VPS13B: variants seen among roughly 807,000 people sequenced by gnomAD.
VPS13B encodes intermembrane lipid transfer protein VPS13B.
Under a neutral mutation model 426.4 loss-of-function variants are expected in VPS13B, and 285 were observed. The observed-to-expected ratio is 0.67, with a 90% CI of 0.61 to 0.74. VPS13B has a LOEUF of 0.74. Among genes scored for constraint, VPS13B ranks in the 30% least tolerant of loss-of-function variants. The pLI is 0.00. For missense variants in VPS13B, 4,537 were observed against 4,782.6 expected, an observed-to-expected ratio of 0.95 and a Z score of 1.51; for synonymous variants, 1,676 against 1,676.4, an observed-to-expected ratio of 1.00 and a Z score of 0.01.
chr8:99,126,021 G>A (rs1848174768), intron 8 of VPS13B, among the ~76,000 whole-genome samples: 1 of 152,000 alleles, frequency 6.6e-6, no homozygotes. Context: ...TAGGCAAGAG[G>A]GGGAGAATTG....
At chr8:99,287,461 A>G (rs981087163) in intron 19 of VPS13B, among the ~76,000 whole-genome samples, 3 of 151,986 alleles carry the variant, frequency 2.0e-5, no homozygotes, top group Non-Finnish European at 2.9e-5. Flanking sequence ...AATTTATTCT[A>G]TTTTTTATGA....
At chr8:99,100,936 C>T (rs1791769815) in intron 4 of VPS13B, among the ~76,000 whole-genome samples, 1 of 151,622 alleles carries the variant, frequency 6.6e-6, no homozygotes, top group Non-Finnish European at 1.5e-5. Flanking sequence ...CCTAGCTACT[C>T]AGGAGGTTGA....
intron 17 of VPS13B, among the ~76,000 whole-genome samples, chr8:99,195,719 T>A (rs987421263): frequency 6.6e-6 from 1 of 152,228 alleles, no homozygotes; most frequent in Non-Finnish European, 1.5e-5. Context: ...CTTTAATCCC[T>A]TCTGAATTGG....
chr8:99,131,717 A>G (rs1237257678), intron 8 of VPS13B, among the ~76,000 whole-genome samples: 3 of 152,156 alleles, frequency 2.0e-5, no homozygotes, highest in Admixed American at 1.3e-4. Context: ...TTGCTGGTGG[A>G]GGGTCTTGAC....
chr8:99,133,436 C>T (rs1809909232), intron 8 of VPS13B, among the ~76,000 whole-genome samples: 1 of 152,200 alleles, frequency 6.6e-6, no homozygotes. Flanking sequence ...GGCTGTTTTA[C>T]TTCCTTATCA....
intron 40 of VPS13B, among the ~76,000 whole-genome samples, chr8:99,767,204 G>C (rs1811268720): frequency 2.0e-5 from 3 of 151,700 alleles, no homozygotes; most frequent in Non-Finnish European, 2.9e-5. Flanking sequence ...CTAAGAACCT[G>C]TTCCTTAAAT....
chr8:99,429,742 T>G (rs1588369977), intron 21 of VPS13B: 1 of 152,190 alleles, frequency 6.6e-6, no homozygotes, highest in Non-Finnish European at 1.5e-5. Context: ...CCTGTCTTCC[T>G]TTTTCAACAC....
At chr8:99,819,391 G>GT in intron 47 of VPS13B, 21 bp from the exon 48 acceptor site, 1 of 1,612,420 alleles carries the variant, frequency 6.2e-7, no homozygotes, top group Non-Finnish European at 8.5e-7. Flanking sequence ...ATTATTCTTG[G>GT]TTTTTATTTC....
chr8:99,828,897 T>C (rs984775484), intron 51 of VPS13B, among the ~76,000 whole-genome samples: 3 of 152,186 alleles, frequency 2.0e-5, no homozygotes, highest in Non-Finnish European at 2.9e-5. Context: ...GATTGAAACA[T>C]TTTCTTTGAG....
chr8:99,110,486 A>G (rs1297597858), intron 5 of VPS13B, among the ~76,000 whole-genome samples: 1 of 152,052 alleles, frequency 6.6e-6, no homozygotes, highest in Non-Finnish European at 1.5e-5. Flanking sequence ...CCTTTCTGTG[A>G]TAATACAAGT....
intron 31 of VPS13B, among the ~76,000 whole-genome samples, chr8:99,568,562 A>G (rs183590283): frequency 8.2e-4 from 125 of 152,114 alleles, no homozygotes; most frequent in African/African-American, 2.9e-3. Context: ...AAGTGCTAGT[A>G]TTACAGGTAT....
At chr8:99,371,430 GT>G (rs1813174004) in intron 19 of VPS13B, among the ~76,000 whole-genome samples, 1 of 152,154 alleles carries the variant, frequency 6.6e-6, no homozygotes, top group Non-Finnish European at 1.5e-5. Context: ...CCTCTGTTCT[GT>G]TCCAAGGGTT....
intron 23 of VPS13B, among the ~76,000 whole-genome samples, chr8:99,453,635 C>G (rs1389081748): frequency 6.6e-6 from 1 of 152,114 alleles, no homozygotes; most frequent in African/African-American, 2.4e-5. Flanking sequence ...ATTTCCCAAT[C>G]TCCTCCCTCT....
chr8:99,466,383 G>A (rs1844947), intron 23 of VPS13B, among the ~76,000 whole-genome samples: 26,421 of 151,832 alleles, frequency 0.17, 2,819 homozygotes, highest in East Asian at 0.38. Context: ...AATGATGTTC[G>A]TGTTATACTC....
chr8:99,610,376 G>A (rs946249703), intron 33 of VPS13B, among the ~76,000 whole-genome samples: 10 of 152,248 alleles, frequency 6.6e-5, no homozygotes, highest in African/African-American at 1.7e-4. Flanking sequence ...TAAAGAAAAC[G>A]TGGCACATGT....
intron 23 of VPS13B, among the ~76,000 whole-genome samples, chr8:99,450,213 A>G (rs1057444092): frequency 6.6e-6 from 1 of 152,206 alleles, no homozygotes; most frequent in African/African-American, 2.4e-5. Flanking sequence ...ATGACAGGAG[A>G]AAAAGGATGG....
At chr8:99,494,975 A>G (rs1820811102) in intron 25 of VPS13B, among the ~76,000 whole-genome samples, 1 of 151,984 alleles carries the variant, frequency 6.6e-6, no homozygotes, top group Admixed American at 6.6e-5. Context: ...CAAACACTAT[A>G]GATTACAAAT....
At chr8:99,863,065 T>C (rs537103179) in intron 58 of VPS13B, among the ~76,000 whole-genome samples, 62 of 152,088 alleles carry the variant, frequency 4.1e-4, no homozygotes, top group Non-Finnish European at 7.9e-4. Context: ...TGGGCTAGGG[T>C]GTTCAAGTCC....
rs1276877143 is a variant in VPS13B, at chr8:99,268,354, G to A, written c.2516-5844G>A. Among the ~76,000 whole-genome samples, 3 of 152,186 alleles carry A rather than the reference G, an allele frequency of 2.0e-5. No homozygotes were observed. The East Asian group carries it at 5.8e-4, about 29-fold the overall frequency. On this transcript the variant is annotated intron_variant, in intron 17 of 61. Transcript: ENST00000357162. Reference sequence around the variant, plus strand: ...GATCCACTGATATCTTGCACCATGTGGCCGGAGAAGCTGCAGACAGTCAAT... The same window carrying A: ...GATCCACTGATATCTTGCACCATGTAGCCGGAGAAGCTGCAGACAGTCAAT...
Sources: allele counts gnomAD v4.1 joint callset (sites outside exome capture counted in the v4.1 genomes callset), GRCh38; gene constraint gnomAD v4.1.1; transcripts MANE v1.5; gene names NCBI Gene and HGNC (gene_info 2026-07-23, HGNC 2026-07-21).